The following CNIH3 variants were observed in gnomAD, a reference collection of about 807,000 sequenced individuals.
CNIH3 encodes cornichon family AMPA receptor auxiliary protein 3, also known as protein cornichon homolog 3.
CNIH3 carries 14 observed loss-of-function variants against 24.1 expected under a neutral mutation model. That is an observed-to-expected ratio of 0.58 (90% CI 0.38 to 0.91). CNIH3 has a LOEUF of 0.91. Ranked by LOEUF, CNIH3 falls within the 40% of genes least tolerant of loss-of-function variation. The pLI, the probability that CNIH3 is intolerant of heterozygous loss-of-function variation, is 0.00. For missense variants in CNIH3, 178 were observed against 196.8 expected, an observed-to-expected ratio of 0.90 and a Z score of 0.57; for synonymous variants, 68 against 73.8, an observed-to-expected ratio of 0.92 and a Z score of 0.40.
intron 5 of CNIH3, among the ~76,000 whole-genome samples, chr1:224,735,447 CT>C (rs1210757821): frequency 6.6e-6 from 1 of 152,048 alleles, no homozygotes; most frequent in Non-Finnish European, 1.5e-5. Flanking sequence ...GGACTCTCAC[CT>C]GTCACTTGCG....
rs550322536 is a variant in CNIH3, at chr1:224,701,616, G to A, written c.198+16773G>A. Among the ~76,000 whole-genome samples the A allele has an allele frequency of 5.3e-5, 8 of 152,244 alleles. No individual in the cohort carries two copies. In the East Asian group the frequency reaches 1.4e-3, roughly 26 times the overall value. ...TTATGGGGAGATGAACATTCAGCTC[G>A]CAACAGAGGCTTAAGTGTTTTTTTC... is the stretch of plus-strand genomic sequence containing the variant. On this transcript the variant is annotated intron_variant, in intron 3 of 5. Coordinates refer to ENST00000272133, the MANE Select transcript of CNIH3 (RefSeq NM_152495.2).
chr1:224,438,146 G>A (rs916634365), intron 1 of CNIH3, among the ~76,000 whole-genome samples: 7 of 151,536 alleles, frequency 4.6e-5, no homozygotes, highest in Non-Finnish European at 8.8e-5. Flanking sequence ...AGATGGTCTC[G>A]ATCTCCTGAC....
chr1:224,468,096 A>G (rs1288357479), intron 1 of CNIH3, among the ~76,000 whole-genome samples: 1 of 152,142 alleles, frequency 6.6e-6, no homozygotes. Flanking sequence ...TACTGAAGTT[A>G]TTTAGTAAGC....
chr1:224,506,987 C>A (rs1677947214), intron 1 of CNIH3, among the ~76,000 whole-genome samples: 1 of 152,090 alleles, frequency 6.6e-6, no homozygotes, highest in South Asian at 2.1e-4. Flanking sequence ...CCTCAGCCTT[C>A]TGAGTAGCTG....
chr1:224,654,252 G>A lies in CNIH3; in HGVS notation c.82-26706G>A, dbSNP rs554124876. Among the ~76,000 whole-genome samples the A allele has an allele frequency of 1.6e-4, 24 of 151,760 alleles. No individual in the cohort carries two copies. The South Asian group carries it at 3.3e-3, about 21-fold the overall frequency. ...ACAAAAATGAGCCAGTTGTGGTGGCGCACACCTGTAATCCCAGCTACTTGG... is the reference window on the plus strand; with the variant it reads ...ACAAAAATGAGCCAGTTGTGGTGGCACACACCTGTAATCCCAGCTACTTGG... On this transcript the variant is annotated intron_variant, in intron 1 of 5. Transcript: ENST00000272133.
chr1:224,532,090 T>C, intron 2 of CNIH3, among the ~76,000 whole-genome samples: 1 of 152,078 alleles, frequency 6.6e-6, no homozygotes, highest in African/African-American at 2.4e-5. Context: ...TTATAAGGTA[T>C]GGTGCAGAAA....
Position 224,483,144 on chromosome 1 carries a change from C to T in CNIH3, n.204-32597C>T, listed in dbSNP as rs938476454. On this transcript the variant is annotated intron_variant and non_coding_transcript_variant, in intron 1 of 5. Transcript: ENST00000471578. ...GTGTTGGCAATTCAAAACTGTCTTT[C>T]CTACCCTCTCCAGTGCCTCTTTGAG... Among the ~76,000 whole-genome samples the T allele has an allele frequency of 2.0e-5, 3 of 152,184 alleles. No homozygotes were observed. In the East Asian group the frequency reaches 5.8e-4, roughly 29 times the overall value.
chr1:224,723,723 T>C (rs1245106478), intron 3 of CNIH3, among the ~76,000 whole-genome samples: 1 of 152,254 alleles, frequency 6.6e-6, no homozygotes, highest in Non-Finnish European at 1.5e-5. Context: ...AATCTGCTAC[T>C]GGTTTCCCTT....
intron 3 of CNIH3, among the ~76,000 whole-genome samples, chr1:224,713,129 G>C (rs748013214): frequency 6.6e-6 from 1 of 152,154 alleles, no homozygotes; most frequent in Non-Finnish European, 1.5e-5. Flanking sequence ...TTGAGCTCTG[G>C]ATCTTCAGCA....
chr1:224,724,050 CA>C (rs1273836042), intron 3 of CNIH3, among the ~76,000 whole-genome samples: 7 of 152,112 alleles, frequency 4.6e-5, no homozygotes, highest in African/African-American at 1.4e-4. Flanking sequence ...CATCTCTTAA[CA>C]AAAAATTTTA....
chr1:224,636,825 T>C (rs778078141), intron 1 of CNIH3, among the ~76,000 whole-genome samples: 1 of 152,240 alleles, frequency 6.6e-6, no homozygotes, highest in Non-Finnish European at 1.5e-5. Context: ...ATTTAAGATA[T>C]TGCTTAGCCC....
intron 1 of CNIH3, among the ~76,000 whole-genome samples, chr1:224,475,179 AC>A (rs889773440): frequency 1.3e-5 from 2 of 150,468 alleles, no homozygotes; most frequent in African/African-American, 4.9e-5. Flanking sequence ...ACATGGTGAA[AC>A]CCCGTCTTTA....
intron 3 of CNIH3, among the ~76,000 whole-genome samples, chr1:224,550,974 A>G (rs1395882075): frequency 6.6e-6 from 1 of 150,944 alleles, no homozygotes; most frequent in Non-Finnish European, 1.5e-5. Flanking sequence ...TGTCCTTGCG[A>G]TAGTTTGCTG....
intron 3 of CNIH3, among the ~76,000 whole-genome samples, chr1:224,556,761 C>T (rs1490292992): frequency 6.6e-6 from 1 of 152,218 alleles, no homozygotes; most frequent in Non-Finnish European, 1.5e-5. Flanking sequence ...CCACTGCTCA[C>T]CTCCTGCTGT....
At chr1:224,718,039 A>G (rs1688517204) in intron 3 of CNIH3, among the ~76,000 whole-genome samples, 1 of 152,338 alleles carries the variant, frequency 6.6e-6, no homozygotes, top group Non-Finnish European at 1.5e-5. Flanking sequence ...TGTGCCAGCC[A>G]CTGTTCTAGG....
downstream of CNIH3, among the ~76,000 whole-genome samples, chr1:224,541,762 G>T (rs1679520244): frequency 1.3e-5 from 2 of 152,008 alleles, no homozygotes; most frequent in Admixed American, 1.3e-4. Context: ...TGCAATTCAT[G>T]GTACTCTGTC....
chr1:224,434,702 C>T, exon 1 of CNIH3: 2 of 949,082 alleles, frequency 2.1e-6, no homozygotes, highest in Non-Finnish European at 2.5e-6. Flanking sequence ...GCGGCGGCGG[C>T]GGCGGGCGGC....
At chr1:224,575,608 A>G (rs192146176) in intron 4 of CNIH3, among the ~76,000 whole-genome samples, 1 of 152,234 alleles carries the variant, frequency 6.6e-6, no homozygotes, top group African/African-American at 2.4e-5. Flanking sequence ...TGGGGAAAGT[A>G]CAACCTGAAT....
At chr1:224,492,625 T>C (rs1162655917) in intron 1 of CNIH3, among the ~76,000 whole-genome samples, 1 of 152,218 alleles carries the variant, frequency 6.6e-6, no homozygotes, top group Admixed American at 6.5e-5. Context: ...TTTTCTAGTT[T>C]AACATATATA....
Sources: gnomAD v4.1 joint callset for allele counts (sites outside exome capture counted in the v4.1 genomes callset) on GRCh38, gnomAD v4.1.1 for gene constraint, MANE v1.5 for transcripts, NCBI Gene and HGNC (gene_info 2026-07-23, HGNC 2026-07-21) for gene names.